Variants in TULP4 observed in about 807,000 individuals in gnomAD.
TULP4 encodes the protein tubby-related protein 4.
A neutral mutation model predicts 129.0 loss-of-function variants in TULP4; 16 were observed. The observed-to-expected ratio is 0.12, with a 90% CI of 0.08 to 0.19. The LOEUF is 0.19. Among genes scored for constraint, TULP4 ranks in the 10% least tolerant of loss-of-function variants. The pLI is 1.00. For synonymous variants in TULP4, 998 were observed against 854.0 expected, an observed-to-expected ratio of 1.17 and a Z score of -2.94; for missense variants, 1,842 against 2,059.1, an observed-to-expected ratio of 0.89 and a Z score of 2.04.
At chr6:158,423,122 AGG>A (rs34027309) in intron 2 of TULP4, among the ~76,000 whole-genome samples, 10,508 of 106,788 alleles carry the variant, frequency 0.098, 673 homozygotes, top group African/African-American at 0.16. Context: ...CACAAAAAAG[AGG>A]GGGGGGGGGG....
chr6:158,366,765 G>T (rs915205259), intron 1 of TULP4, among the ~76,000 whole-genome samples: 1 of 152,182 alleles, frequency 6.6e-6, no homozygotes, highest in Non-Finnish European at 1.5e-5. Flanking sequence ...TGAGTGATAC[G>T]TAAAACCTGA....
intron 4 of TULP4, among the ~76,000 whole-genome samples, chr6:158,451,484 C>T (rs113346054): frequency 0.021 from 3,179 of 152,254 alleles, 49 homozygotes; most frequent in Non-Finnish European, 0.03. Flanking sequence ...TTTGCTTTTT[C>T]AAACACCCTG....
intron 1 of TULP4, among the ~76,000 whole-genome samples, chr6:158,306,159 T>C (rs1436406461): frequency 2.0e-5 from 3 of 152,210 alleles, no homozygotes; most frequent in African/African-American, 4.8e-5. Context: ...TTTAAAGATA[T>C]TTTTAAAGTT....
chr6:158,365,231 T>G (rs1467634868), intron 1 of TULP4, among the ~76,000 whole-genome samples: 1 of 152,044 alleles, frequency 6.6e-6, no homozygotes, highest in African/African-American at 2.4e-5. Flanking sequence ...TCACTTCTCA[T>G]AGAGAGAAGT....
chr6:158,334,696 C>G (rs1779992095), intron 1 of TULP4, among the ~76,000 whole-genome samples: 1 of 152,158 alleles, frequency 6.6e-6, no homozygotes, highest in South Asian at 2.1e-4. Context: ...GTGCAGTGGT[C>G]TGAATGTGTC....
rs550556913 is a variant in TULP4 at position 158,454,029 on chromosome 6, C to G, written c.859+1761C>G. On this transcript the variant is annotated intron_variant, in intron 5 of 13. Transcript: ENST00000367097. Reference sequence around the variant, plus strand: ...ATACCTGCCTCTGCACCGCCCCCCCCCAAGTAATTACTCTATTTTTAAACT... The same window carrying G: ...ATACCTGCCTCTGCACCGCCCCCCCGCAAGTAATTACTCTATTTTTAAACT... 2.0e-4 allele frequency among the ~76,000 whole-genome samples: 30 copies of G among 148,026 alleles called. No individual in the cohort carries two copies. In the East Asian group the frequency reaches 5.7e-3, roughly 28 times the overall value.
intron 1 of TULP4, among the ~76,000 whole-genome samples, chr6:158,294,381 AAAAAT>A (rs1370627769): frequency 1.4e-3 from 209 of 152,254 alleles, no homozygotes; most frequent in African/African-American, 4.5e-3. Context: ...AAATAAAAAA[AAAAAT>A]AAATAAAGCA....
In TULP4 at chr6:158,490,596, C is replaced by T. The variant is rs1406451903; in HGVS notation, c.1631+864C>T. On this transcript the variant is annotated intron_variant, in intron 9 of 13. Transcript: ENST00000367097. ...AATCGTAAACACCTAGCTCATTGTA[C>T]AAGGGCTATCCCAGTGTCTTCCCCC... Among the ~76,000 whole-genome samples, 3 of 152,104 alleles carry T rather than the reference C, an allele frequency of 2.0e-5. No homozygotes were observed. The East Asian group carries it at 5.8e-4, about 29-fold the overall frequency.
chr6:158,266,843 C>G (rs1052089517), intron 1 of TULP4, among the ~76,000 whole-genome samples: 2 of 152,056 alleles, frequency 1.3e-5, no homozygotes, highest in Non-Finnish European at 2.9e-5. Flanking sequence ...TATTGAGGGA[C>G]AACGGTATAA....
chr6:158,454,913 G>A lies in TULP4; in HGVS notation c.859+2645G>A, dbSNP rs918863920. Among the ~76,000 whole-genome samples the A allele has an allele frequency of 7.9e-5, 12 of 151,794 alleles. No individual in the cohort carries two copies. In the East Asian group the frequency reaches 1.2e-3, roughly 15 times the overall value. ...GAGCCACCATACCCATCCTGGAGCA[G>A]CACTTCTAACGTTTTGCAACCATAT... On this transcript the variant is annotated intron_variant, in intron 5 of 13. Transcript: ENST00000367097.
At position 158,493,640 on chromosome 6, in the gene TULP4, C is replaced by T. The variant is rs1262105765; in HGVS notation, c.1699C>T (p.Arg567Trp). 1.3e-6 allele frequency: 2 copies of T among 1,599,814 alleles called. No homozygotes were observed. Among genetic ancestry groups the T allele is most frequent in the Non-Finnish European group, 1.7e-6 (2 of 1,173,502 alleles). ...TGCTCAGGAGCTCTCCCGGTCCCCA[C>T]GGTTGCCCCTGCGCAAGCCCTCTGT... Reference protein sequence around the residue: ...RAAQELSRSPRLPLRKPSVGS... With the variant: ...RAAQELSRSPWLPLRKPSVGS... Residue 567 changes from arginine (R) to tryptophan (W), a missense_variant, in exon 10 of 14, where the codon CGG becomes TGG. By Grantham distance (101) the Arg-to-Trp change is moderately radical. Coordinates refer to ENST00000367097, the MANE Select transcript of TULP4 (RefSeq NM_020245.5). This position sits in a 1 kb window ranked among gnomAD's most constrained non-coding sequence, Gnocchi z 4.4.
chr6:158,398,977 G>T (rs1777783132), intron 1 of TULP4, among the ~76,000 whole-genome samples: 1 of 152,208 alleles, frequency 6.6e-6, no homozygotes, highest in African/African-American at 2.4e-5. Context: ...GTGTGTGTAT[G>T]TGTGTGAACG....
intron 1 of TULP4, among the ~76,000 whole-genome samples, chr6:158,232,735 C>G (rs533485562): frequency 6.6e-6 from 1 of 152,076 alleles, no homozygotes; most frequent in African/African-American, 2.4e-5. Context: ...CTGCGCTCCT[C>G]CTCTTCCTCC....
chr6:158,240,047 C>A (rs1419841632), intron 1 of TULP4, among the ~76,000 whole-genome samples: 42 of 85,598 alleles, frequency 4.9e-4, no homozygotes, highest in East Asian at 2.5e-3. Flanking sequence ...GGGGGCTGAC[C>A]CCCCCACCTC....
chr6:158,479,502 A>T (rs916361755), intron 6 of TULP4, among the ~76,000 whole-genome samples: 1 of 152,020 alleles, frequency 6.6e-6, no homozygotes, highest in Non-Finnish European at 1.5e-5. Flanking sequence ...GCCTCATGCA[A>T]TCTTCCCACC....
chr6:158,439,076 C>G (rs1778821113), intron 3 of TULP4, among the ~76,000 whole-genome samples: 1 of 151,788 alleles, frequency 6.6e-6, no homozygotes, highest in African/African-American at 2.4e-5. Flanking sequence ...GAGGCTGAGG[C>G]AAGAGAATCG....
chr6:158,337,295 A>AT, intron 1 of TULP4, among the ~76,000 whole-genome samples: 1 of 151,512 alleles, frequency 6.6e-6, no homozygotes, highest in African/African-American at 2.4e-5. Flanking sequence ...ATGCCCAGCT[A>AT]TTTTTTTGTA....
At chr6:158,357,659 T>G (rs1780679194) in intron 1 of TULP4, among the ~76,000 whole-genome samples, 1 of 152,208 alleles carries the variant, frequency 6.6e-6, no homozygotes, top group South Asian at 2.1e-4. Context: ...AAACTTGAAG[T>G]GTTCCTCTGA....
chr6:158,325,613 A>G lies in TULP4; in HGVS notation c.252+11345A>G, dbSNP rs1196325226. Reference sequence around the variant, plus strand: ...GTGATCCGCCCGCCTCGGCCTCCCAAAGTACTGGGGTTCAGGCGTGAGCCA... The same window carrying G: ...GTGATCCGCCCGCCTCGGCCTCCCAGAGTACTGGGGTTCAGGCGTGAGCCA... On this transcript the variant is annotated intron_variant, in intron 1 of 13. Coordinates refer to ENST00000367097, the MANE Select transcript of TULP4 (RefSeq NM_020245.5). Among the ~76,000 whole-genome samples, 3 of 152,076 alleles carry G rather than the reference A, an allele frequency of 2.0e-5. No individual in the cohort carries two copies. In the East Asian group the frequency reaches 5.8e-4, roughly 29 times the overall value.
Sources: allele counts gnomAD v4.1 joint callset (sites outside exome capture counted in the v4.1 genomes callset), GRCh38; gene constraint gnomAD v4.1.1; non-coding constraint Gnocchi (gnomAD v3.1); transcripts MANE v1.5; gene names NCBI Gene and HGNC (gene_info 2026-07-23, HGNC 2026-07-21).